SPOCD1: variants seen among roughly 807,000 people sequenced by gnomAD.
SPOCD1 encodes SPOC domain containing 1, also known as SPOC domain-containing protein 1.
SPOCD1 carries 64 observed loss-of-function variants against 92.2 expected under a neutral mutation model. The ratio of observed to expected loss-of-function variants is 0.69; its 90% CI spans 0.57 to 0.86. SPOCD1 has a LOEUF of 0.86. SPOCD1 is among the 40% of genes least tolerant of loss of function. The pLI is 0.00. For missense variants in SPOCD1, 1,360 were observed against 1,543.1 expected (o/e 0.88, Z 1.99); for synonymous variants, 578 against 619.3 (o/e 0.93, Z 0.99).
rs1278826889 is a variant in SPOCD1, at chr1:31,813,949, AC to A, written c.1383+1del. 6.6e-7 allele frequency: 1 copy of A among 1,512,592 alleles called. No individual in the cohort carries two copies. The highest frequency in any genetic ancestry group is 2.1e-5 in the Admixed American group (1 of 47,188). 93.7% of individuals were successfully genotyped at this position (1,512,592 alleles called of 1,614,324 possible). A position where few individuals can be genotyped will look rare whatever the true frequency, so the allele number is the denominator to read the frequency against. On this transcript the variant is annotated splice_donor_variant, in intron 2 of 15. Transcript: ENST00000360482. LOFTEE classifies it high-confidence loss of function. The stretch of plus-strand genomic sequence containing the variant: ...TATCCCAAACTCTCAGACTCAGCTC[AC>A]CAGTCTGGGGCAGCCTCCTGGGCTG...
intron 12 of SPOCD1, 61 bp downstream of exon 12, chr1:31,793,686 A>C (rs749660686): frequency 5.8e-5 from 93 of 1,610,892 alleles, no homozygotes; most frequent in Non-Finnish European, 7.8e-5. Flanking sequence ...CTGTTGCACC[A>C]GGTGGTGGCC....
In SPOCD1 at chr1:31,801,851, A is replaced by T. The variant is rs1465389799; in HGVS notation, c.1384-146T>A. ...TACTTACAGCAAAAAGTTGTCCATCAAAGGGGAAATGGTTAATAAAAAATA... is the reference window on the plus strand; with the variant it reads ...TACTTACAGCAAAAAGTTGTCCATCTAAGGGGAAATGGTTAATAAAAAATA... On this transcript the variant is annotated intron_variant, in intron 2 of 15. Transcript: ENST00000360482. 6.8e-6 allele frequency: 5 copies of T among 732,854 alleles called. No homozygotes were observed. In the East Asian group the frequency reaches 1.3e-4, roughly 18 times the overall value. The allele number at this position is 732,854 out of a possible 1,614,324, so 45.4% of individuals were successfully genotyped here. A position where few individuals can be genotyped will look rare whatever the true frequency, so the allele number is the denominator to read the frequency against.
In SPOCD1 at chr1:31,798,469, C is replaced by G. The variant is rs1194747666; in HGVS notation, c.2001G>C (p.Leu667=). Residue 667 remains leucine, a synonymous_variant, in exon 8 of 16, where the codon CTG becomes CTC. Transcript: ENST00000360482. This position sits in a 1 kb window ranked among gnomAD's most constrained non-coding sequence, Gnocchi z 4.1. ...GGTTCCTGGGGTCCCGCAGGTTGAACAGCAGGCTGCGATACTTGGTCTTGT... is the reference window on the plus strand; with the variant it reads ...GGTTCCTGGGGTCCCGCAGGTTGAAGAGCAGGCTGCGATACTTGGTCTTGT... ...GRYKTKYRSL[L]FNLRDPRNLD... The G allele has an allele frequency of 6.2e-7, 1 of 1,612,722 alleles. No homozygotes were observed. The highest frequency in any genetic ancestry group is 8.5e-7 in the Non-Finnish European group (1 of 1,179,326).
intron 2 of SPOCD1, among the ~76,000 whole-genome samples, chr1:31,803,471 G>C (rs184966678): frequency 6.6e-6 from 1 of 151,796 alleles, no homozygotes. Context: ...GACACATCAC[G>C]CCTGTAATCT....
chr1:31,808,371 G>A (rs1648977837), intron 2 of SPOCD1, among the ~76,000 whole-genome samples: 1 of 150,396 alleles, frequency 6.6e-6, no homozygotes, highest in African/African-American at 2.4e-5. Flanking sequence ...TTAAATTAAC[G>A]TTAATAAATT....
Position 31,814,391 on chromosome 1 carries a change from G to C in SPOCD1, c.943C>G (p.Leu315Val). Residue 315 changes from leucine (L) to valine (V), a missense_variant, in exon 2 of 16, where the codon CTC becomes GTC. Physicochemically the swap from Leu to Val is conservative, Grantham distance 32. Transcript: ENST00000360482. This position sits in a 1 kb window ranked among gnomAD's most constrained non-coding sequence, Gnocchi z 4.2. ...GFPVPSGGES[L>V]SSAAQAPPQS... ...GGAGGAGCCTGTGCAGCTGAACTGAGGGACTCCCCTCCACTGGGCACTGGG... is the reference window on the plus strand; with the variant it reads ...GGAGGAGCCTGTGCAGCTGAACTGACGGACTCCCCTCCACTGGGCACTGGG... 1 of 1,608,594 alleles carries C rather than the reference G, an allele frequency of 6.2e-7. No individual in the cohort carries two copies. Among genetic ancestry groups the C allele is most frequent in the Non-Finnish European group, 8.5e-7 (1 of 1,177,328 alleles).
chr1:31,791,525 G>A (rs572185028), intron 15 of SPOCD1, among the ~76,000 whole-genome samples: 124 of 152,206 alleles, frequency 8.1e-4, no homozygotes, highest in Non-Finnish European at 1.6e-3. Context: ...CATTGTCTCA[G>A]GACATGGAGC....
intron 6 of SPOCD1, 69 bp from the exon 7 acceptor site, chr1:31,799,554 T>TG (rs1245017155): frequency 1.5e-5 from 21 of 1,405,014 alleles, no homozygotes; most frequent in Non-Finnish European, 1.9e-5. Context: ...GACTCAAGGC[T>TG]GATGGGTTTA....
At chr1:31,797,049 G>A (rs1648080295) in intron 9 of SPOCD1, among the ~76,000 whole-genome samples, 1 of 152,148 alleles carries the variant, frequency 6.6e-6, no homozygotes, top group African/African-American at 2.4e-5. Flanking sequence ...AGTTCCCACT[G>A]GGCCATTAAT....
chr1:31,814,335 T>G lies in SPOCD1; in HGVS notation c.999A>C (p.Ser333=). Residue 333 remains serine (S), a synonymous_variant, in exon 2 of 16, where the codon TCA becomes TCC. Coordinates refer to ENST00000360482, the MANE Select transcript of SPOCD1 (RefSeq NM_144569.7). The surrounding 1 kb of genome is among the most constrained non-coding windows in gnomAD (Gnocchi z 4.2). Reference sequence around the variant, plus strand: ...CTTGCTGCTCTGCAGAGGCCTGTGCTGACGCCCCCAGGCACAGTGCTGCGC... The same window carrying G: ...CTTGCTGCTCTGCAGAGGCCTGTGCGGACGCCCCCAGGCACAGTGCTGCGC... ...PQSAALCLGA[S]AQASAEQQEA... 6.3e-7 allele frequency: 1 copy of G among 1,579,864 alleles called. No homozygotes were observed. Among genetic ancestry groups the G allele is most frequent in the African/African-American group, 1.3e-5 (1 of 74,194 alleles).
Position 31,798,287 on chromosome 1 carries a change from G to C in SPOCD1, c.2065C>G (p.Pro689Ala). The change falls in exon 9 of 16, where the codon CCC (proline) becomes GCC (alanine). Residue 689 changes from proline (P) to alanine (A), a missense_variant. By Grantham distance (27) the Pro-to-Ala change is conservative. Coordinates refer to ENST00000360482, the MANE Select transcript of SPOCD1 (RefSeq NM_144569.7). The surrounding 1 kb of genome is among the most constrained non-coding windows in gnomAD (Gnocchi z 4.1). ...FLKVVHGDVTPYDLVRMSSMQ... is the reference protein window; with the variant it reads ...FLKVVHGDVTAYDLVRMSSMQ... ...GAGCTCATCCGCACCAGGTCGTAGG[G>C]GGTGACATCTCCATGAACCACTTTG... 2.5e-6 allele frequency: 4 copies of C among 1,614,016 alleles called. No individual in the cohort carries two copies. The highest frequency in any genetic ancestry group is 3.4e-6 in the Non-Finnish European group (4 of 1,180,030).
At position 31,793,260 on chromosome 1, in the gene SPOCD1, C is replaced by T. The variant is rs747921757; in HGVS notation, c.2685+18G>A. 13 of 1,577,530 alleles carry T rather than the reference C, an allele frequency of 8.2e-6. No homozygotes were observed. Among genetic ancestry groups the T allele is most frequent in the East Asian group, 6.9e-5 (3 of 43,242 alleles). Reference sequence around the variant, plus strand: ...GGTCAGTGTGTAAGGGAATCCCTGGCGAGGAGGGCAGGTGCACCTGGACAA... The same window carrying T: ...GGTCAGTGTGTAAGGGAATCCCTGGTGAGGAGGGCAGGTGCACCTGGACAA... On this transcript the variant is annotated intron_variant, in intron 13 of 15. Coordinates refer to ENST00000360482, the MANE Select transcript of SPOCD1 (RefSeq NM_144569.7).
In SPOCD1 at chr1:31,800,448, C is replaced by T. The variant is rs202177103; in HGVS notation, c.1595G>A (p.Gly532Glu). 57 of 1,587,034 alleles carry T rather than the reference C, an allele frequency of 3.6e-5. No individual in the cohort carries two copies. In the Admixed American group the frequency reaches 1.0e-3, roughly 28 times the overall value. ...ACATCACTTGTTCTGTACCTGGCAC[C>T]CAGCAGGGCCCTGCACCATGGGCCT... ...KKRPMVQGPAGCQVFQPSPSG... is the reference protein window; with the variant it reads ...KKRPMVQGPAECQVFQPSPSG... Residue 532 changes from glycine to glutamate, a missense_variant, in exon 4 of 16, where the codon GGG becomes GAG. This residue lies in a region of SPOCD1 where 606 missense variants were observed against 601.5 expected (regional missense o/e 1.01). Transcript: ENST00000360482.
chr1:31,814,432 C>A lies in SPOCD1; in HGVS notation c.902G>T (p.Cys301Phe). ...GGGCACTGGGAACCCGACAGGGCCA[C>A]AGGGGCTGCCTGGCTGGGGCCCATC... ...TGDGPQPGSP[C>F]GPVGFPVPSG... Residue 301 changes from cysteine (C) to phenylalanine (F), a missense_variant, in exon 2 of 16, where the codon TGT becomes TTT. By Grantham distance (205) the Cys-to-Phe change is radical. This residue lies in a region of SPOCD1 where 606 missense variants were observed against 601.5 expected (regional missense o/e 1.01). Transcript: ENST00000360482. The surrounding 1 kb of genome is among the most constrained non-coding windows in gnomAD (Gnocchi z 4.2). 1.2e-6 allele frequency: 2 copies of A among 1,607,440 alleles called. No homozygotes were observed. The highest frequency in any genetic ancestry group is 1.7e-5 in the Admixed American group (1 of 59,368).
intron 10 of SPOCD1, 45 bp from the exon 11 acceptor site, chr1:31,794,280 G>C (rs767929394): frequency 2.3e-5 from 34 of 1,486,798 alleles, no homozygotes; most frequent in Non-Finnish European, 3.2e-5. Context: ...CGTGGCTGGG[G>C]GTGCCCGGAG....
Position 31,800,083 on chromosome 1 carries a change from G to A in SPOCD1, c.1661C>T (p.Pro554Leu), listed in dbSNP as rs865794712. 4 of 1,606,118 alleles carry A rather than the reference G, an allele frequency of 2.5e-6. No homozygotes were observed. The highest frequency in any genetic ancestry group is 8.5e-7 in the Non-Finnish European group (1 of 1,177,848). The change falls in exon 5 of 16, where the codon CCC becomes CTC. Residue 554 changes from proline (P) to leucine (L), a missense_variant. Physicochemically the swap from Pro to Leu is moderately conservative, Grantham distance 98. Around this residue, in one of 3 missense-constraint regions of SPOCD1, gnomAD observed 606 missense variants for 601.5 expected, o/e 1.01. Transcript: ENST00000360482. ...TAGDPGGLSD[P>L]FYPPRSGSLA... ...GGAACCGCTTCTTGGAGGGTAGAAG[G>A]GGTCAGAGAGGCCACCAGGGTCCCC...
At chr1:31,803,217 A>G (rs1346681213) in intron 2 of SPOCD1, among the ~76,000 whole-genome samples, 2 of 152,190 alleles carry the variant, frequency 1.3e-5, no homozygotes, top group South Asian at 2.1e-4. Flanking sequence ...TTAAAGAAAT[A>G]AAAGAAGGAG....
At chr1:31,806,866 A>G (rs1192142691) in intron 2 of SPOCD1, among the ~76,000 whole-genome samples, 1 of 152,062 alleles carries the variant, frequency 6.6e-6, no homozygotes, top group African/African-American at 2.4e-5. Context: ...AACAACTATT[A>G]ATGAAATGTT....
chr1:31,790,485 T>C lies in SPOCD1; in HGVS notation c.*118A>G, dbSNP rs13426. 0.74 allele frequency: 676,986 copies of C among 908,726 alleles called. 255,047 individuals carry two copies. Among genetic ancestry groups the C allele is most frequent in the African/African-American group, 0.83 (48,640 of 58,810 alleles). 56.3% of individuals were successfully genotyped at this position (908,726 alleles called of 1,614,324 possible). ...ACAGCAAACATTGTCAAACAGGAAG[T>C]TCAAACAGGGCAGGTGGGTAGGGCT... On this transcript the variant is annotated 3_prime_UTR_variant, in exon 16 of 16. Coordinates refer to ENST00000360482, the MANE Select transcript of SPOCD1 (RefSeq NM_144569.7).
Sources: allele counts gnomAD v4.1 joint callset (sites outside exome capture counted in the v4.1 genomes callset), GRCh38; gene constraint gnomAD v4.1.1; regional missense constraint gnomAD v4.1.1; non-coding constraint Gnocchi (gnomAD v3.1); transcripts MANE v1.5; gene names NCBI Gene and HGNC (gene_info 2026-07-23, HGNC 2026-07-21).